Variants in EXTL3 observed in about 807,000 individuals in gnomAD.
The protein encoded by EXTL3 is exostosin-like 3.
Under a neutral mutation model 69.3 loss-of-function variants are expected in EXTL3, and 27 were observed. The observed-to-expected ratio is 0.39, with a 90% confidence interval of 0.29 to 0.54. EXTL3 has a LOEUF of 0.54. EXTL3 is among the 20% of genes least tolerant of loss of function. The pLI is 0.69. For missense variants in EXTL3, 1,003 were observed against 1,231.8 expected, an observed-to-expected ratio of 0.81 and a Z score of 2.78; for synonymous variants, 511 against 499.4, an observed-to-expected ratio of 1.02 and a Z score of -0.31.
chr8:28,743,032 C>A, intron 5 of EXTL3, 54 bp from the exon 6 acceptor site: 1 of 1,611,288 alleles, frequency 6.2e-7, no homozygotes, highest in South Asian at 1.1e-5. Context: ...TGGCTGAAAG[C>A]CAACAACCTG....
intron 1 of EXTL3, among the ~76,000 whole-genome samples, chr8:28,656,432 G>A (rs527279280): frequency 6.6e-6 from 1 of 152,112 alleles, no homozygotes; most frequent in African/African-American, 2.4e-5. Flanking sequence ...CAAAGTGCTG[G>A]GATTATAGGC....
At chr8:28,676,717 C>T (rs960193173) in intron 1 of EXTL3, among the ~76,000 whole-genome samples, 1 of 152,076 alleles carries the variant, frequency 6.6e-6, no homozygotes, top group South Asian at 2.1e-4. Context: ...GGACAGAGCC[C>T]TGGGGAAGGT....
intron 1 of EXTL3, among the ~76,000 whole-genome samples, chr8:28,671,401 A>G (rs1430012948): frequency 2.1e-5 from 3 of 143,402 alleles, no homozygotes; most frequent in Non-Finnish European, 4.5e-5. Context: ...CTCCTCCGCA[A>G]CCTCTCAAGA....
chr8:28,703,442 A>C (rs1563209641), intron 1 of EXTL3, among the ~76,000 whole-genome samples: 1 of 152,132 alleles, frequency 6.6e-6, no homozygotes, highest in Non-Finnish European at 1.5e-5. Flanking sequence ...GAGCATGGGA[A>C]ATGTATTTCT....
intron 1 of EXTL3, among the ~76,000 whole-genome samples, chr8:28,642,370 C>A (rs527330917): frequency 5.3e-4 from 80 of 150,220 alleles, no homozygotes; most frequent in Admixed American, 2.2e-3. Context: ...CACTTGGGCC[C>A]AGGAGGTAAA....
chr8:28,653,145 A>G (rs761014728), intron 1 of EXTL3, among the ~76,000 whole-genome samples: 1 of 152,212 alleles, frequency 6.6e-6, no homozygotes, highest in Non-Finnish European at 1.5e-5. Context: ...TTACTGCCCT[A>G]AAAATCCTCT....
intron 2 of EXTL3, among the ~76,000 whole-genome samples, chr8:28,611,588 G>C (rs1220632019): frequency 6.6e-6 from 1 of 152,178 alleles, no homozygotes; most frequent in Non-Finnish European, 1.5e-5. Context: ...GCTTTAGCTA[G>C]AGCATGATCT....
chr8:28,714,561 A>G (rs1242532742), intron 2 of EXTL3, among the ~76,000 whole-genome samples: 1 of 152,208 alleles, frequency 6.6e-6, no homozygotes, highest in African/African-American at 2.4e-5. Context: ...ATTCTCCCAC[A>G]GTTATACTTA....
intron 1 of EXTL3, among the ~76,000 whole-genome samples, chr8:28,693,034 AT>A (rs1420016673): frequency 3.9e-5 from 6 of 152,114 alleles, no homozygotes; most frequent in Admixed American, 3.3e-4. Context: ...CTTAGGGAAC[AT>A]TTGTAGGTGC....
chr8:28,683,876 T>G (rs1481203721), intron 1 of EXTL3, among the ~76,000 whole-genome samples: 1 of 152,158 alleles, frequency 6.6e-6, no homozygotes. Context: ...ATCTTATTCA[T>G]TGTTTCTAAC....
intron 1 of EXTL3, among the ~76,000 whole-genome samples, chr8:28,691,490 CAT>C (rs1800611652): frequency 6.7e-6 from 1 of 149,940 alleles, no homozygotes; most frequent in African/African-American, 2.5e-5. Context: ...ATGGTTGACA[CAT>C]AGAGATAGCA....
Position 28,750,522 on chromosome 8 carries a change from A to G in EXTL3, c.2551-135A>G, listed in dbSNP as rs977613813. 94 of 755,418 alleles carry G rather than the reference A, an allele frequency of 1.2e-4. No individual in the cohort carries two copies. The highest frequency in any genetic ancestry group is 2.0e-4 in the Non-Finnish European group (87 of 431,986). The allele number at this position is 755,418 out of a possible 1,614,324, so 46.8% of individuals were successfully genotyped here. On this transcript the variant is annotated intron_variant, in intron 6 of 6. Transcript: ENST00000220562. The surrounding 1 kb of genome is among the most constrained non-coding windows in gnomAD (Gnocchi z 5.2). ...CTGGGGCCGGGCTCTGGTTCCTGCC[A>G]TGCTCTGCAGGGATGTTGCCCCTGA...
chr8:28,624,699 C>T (rs1806465612), intron 1 of EXTL3, among the ~76,000 whole-genome samples: 1 of 152,028 alleles, frequency 6.6e-6, no homozygotes. Flanking sequence ...AAAGATAAAA[C>T]CAAAATCTAG....
intron 6 of EXTL3, among the ~76,000 whole-genome samples, chr8:28,749,456 C>T (rs139012091): frequency 2.0e-5 from 3 of 152,164 alleles, no homozygotes; most frequent in African/African-American, 7.2e-5. Flanking sequence ...ACACTTCTTC[C>T]CCATCTTTCT....
intron 6 of EXTL3, among the ~76,000 whole-genome samples, chr8:28,746,178 G>A (rs1277434998): frequency 6.6e-6 from 1 of 152,102 alleles, no homozygotes; most frequent in East Asian, 1.9e-4. Flanking sequence ...TTGAGTTAGG[G>A]AGGTTTGACT....
At chr8:28,665,294 CAA>C (rs1807178403) in intron 1 of EXTL3, among the ~76,000 whole-genome samples, 1 of 151,672 alleles carries the variant, frequency 6.6e-6, no homozygotes, top group Admixed American at 6.6e-5. Context: ...AGGCTGGTCT[CAA>C]ACTCCTGACC....
intron 1 of EXTL3, among the ~76,000 whole-genome samples, chr8:28,693,532 G>A (rs1239970368): frequency 6.6e-6 from 1 of 152,168 alleles, no homozygotes; most frequent in African/African-American, 2.4e-5. Context: ...CACATGGCAA[G>A]GCAGAGAATA....
intron 4 of EXTL3, among the ~76,000 whole-genome samples, chr8:28,734,149 G>A (rs1801598917): frequency 6.6e-6 from 1 of 152,130 alleles, no homozygotes; most frequent in Non-Finnish European, 1.5e-5. Flanking sequence ...CGTTATAAGA[G>A]TTCTTTATAT....
intron 5 of EXTL3, among the ~76,000 whole-genome samples, chr8:28,739,039 G>C (rs534475095): frequency 1.2e-3 from 189 of 152,270 alleles, no homozygotes; most frequent in African/African-American, 4.5e-3. Context: ...TTCCCTAGGC[G>C]TTCTGTCTCA....
Sources: allele counts gnomAD v4.1 joint callset (sites outside exome capture counted in the v4.1 genomes callset), GRCh38; gene constraint gnomAD v4.1.1; non-coding constraint Gnocchi (gnomAD v3.1); transcripts MANE v1.5; gene names NCBI Gene and HGNC (gene_info 2026-07-23, HGNC 2026-07-21).